The following MACROD2 variants were observed in gnomAD, a reference collection of about 807,000 sequenced individuals.
The protein encoded by MACROD2 is ADP-ribose glycohydrolase MACROD2.
In MACROD2, 36 loss-of-function variants were observed where a neutral mutation model predicts 70.4. The ratio of observed to expected loss-of-function variants is 0.51; its 90% CI spans 0.39 to 0.68. The LOEUF (loss-of-function observed/expected upper bound fraction) is 0.68. Ranked by LOEUF, MACROD2 falls within the 30% of genes least tolerant of loss-of-function variation. The probability of loss-of-function intolerance (pLI) is 0.00; values close to 1 mark genes in which losing one functional copy is unlikely to be tolerated. For missense variants in MACROD2, 496 were observed against 538.4 expected (o/e 0.92, Z 0.78); for synonymous variants, 172 against 178.8 (o/e 0.96, Z 0.30).
chr20:14,187,109 G>A (rs1436821530), intron 3 of MACROD2, among the ~76,000 whole-genome samples: 1 of 128,334 alleles, frequency 7.8e-6, no homozygotes, highest in Admixed American at 8.4e-5. Context: ...TAAACTAAAA[G>A]TTGAGAAAGA....
chr20:15,345,344 T>G (rs975513583), intron 6 of MACROD2, among the ~76,000 whole-genome samples: 1 of 152,222 alleles, frequency 6.6e-6, no homozygotes, highest in African/African-American at 2.4e-5. Context: ...TATTTATCAG[T>G]GAACAAAATA....
intron 4 of MACROD2, among the ~76,000 whole-genome samples, chr20:14,505,749 A>G (rs1400919389): frequency 6.6e-6 from 1 of 152,206 alleles, no homozygotes; most frequent in Non-Finnish European, 1.5e-5. Context: ...TCTGGGGACC[A>G]CACTTTAAGA....
chr20:14,103,669 ATT>A (rs968140471), intron 3 of MACROD2, among the ~76,000 whole-genome samples: 3 of 152,112 alleles, frequency 2.0e-5, no homozygotes, highest in Non-Finnish European at 4.4e-5. Flanking sequence ...GCATAGATGT[ATT>A]TTGTTTTTTT....
At chr20:14,864,282 G>A (rs939217888) in intron 5 of MACROD2, among the ~76,000 whole-genome samples, 1 of 152,012 alleles carries the variant, frequency 6.6e-6, no homozygotes, top group Non-Finnish European at 1.5e-5. Flanking sequence ...TCCAGAGAAA[G>A]CAACCTGACT....
At chr20:14,506,650 T>C (rs1344888067) in intron 4 of MACROD2, among the ~76,000 whole-genome samples, 1 of 152,098 alleles carries the variant, frequency 6.6e-6, no homozygotes, top group Admixed American at 6.5e-5. Context: ...AACTTTCAGA[T>C]AAAAAATAAT....
chr20:14,512,327 T>TAA (rs3044685), intron 4 of MACROD2, among the ~76,000 whole-genome samples: 124,566 of 151,804 alleles, frequency 0.82, 51,516 homozygotes, highest in East Asian at 1. Flanking sequence ...ATTGAATTCG[T>TAA]AGTATGGGAG....
intron 2 of MACROD2, among the ~76,000 whole-genome samples, chr20:14,063,168 T>C (rs759166044): frequency 6.6e-6 from 1 of 152,214 alleles, no homozygotes; most frequent in East Asian, 1.9e-4. Flanking sequence ...AAAAAAGGAA[T>C]TGATTTAATT....
At chr20:15,998,628 G>A (rs2066666251) in intron 15 of MACROD2, among the ~76,000 whole-genome samples, 1 of 144,010 alleles carries the variant, frequency 6.9e-6, no homozygotes, top group African/African-American at 2.6e-5. Context: ...GCAGTGGTGT[G>A]ATCTTGGCTC....
chr20:15,091,737 A>G (rs1157911920), intron 5 of MACROD2, among the ~76,000 whole-genome samples: 1 of 152,184 alleles, frequency 6.6e-6, no homozygotes, highest in African/African-American at 2.4e-5. Context: ...TCTGAAACAC[A>G]ATATGCATTT....
chr20:14,344,009 T>C (rs2083040592), intron 3 of MACROD2, among the ~76,000 whole-genome samples: 1 of 152,204 alleles, frequency 6.6e-6, no homozygotes, highest in South Asian at 2.1e-4. Flanking sequence ...TCTGAAATTG[T>C]CAGATTTTTT....
intron 3 of MACROD2, among the ~76,000 whole-genome samples, chr20:14,228,908 G>A (rs1379890818): frequency 2.0e-5 from 3 of 150,476 alleles, no homozygotes; most frequent in Non-Finnish European, 4.4e-5. Flanking sequence ...TCAGGAGGTT[G>A]AGGCACAAGA....
chr20:14,924,570 GAGCAT>G (rs1165281204), intron 5 of MACROD2, among the ~76,000 whole-genome samples: 1 of 152,152 alleles, frequency 6.6e-6, no homozygotes, highest in African/African-American at 2.4e-5. Context: ...GGGTAGATGA[GAGCAT>G]TTATTTATCT....
intron 6 of MACROD2, among the ~76,000 whole-genome samples, chr20:15,230,599 T>C (rs2076951826): frequency 6.6e-6 from 1 of 152,178 alleles, no homozygotes; most frequent in African/African-American, 2.4e-5. Context: ...ATTTTACTCT[T>C]ATTAAACTAA....
intron 5 of MACROD2, among the ~76,000 whole-genome samples, chr20:14,925,264 A>G (rs1253899107): frequency 6.6e-6 from 1 of 152,132 alleles, no homozygotes; most frequent in Non-Finnish European, 1.5e-5. Flanking sequence ...CTTCCATAAT[A>G]TAAATAATAT....
rs181393310 is a variant in MACROD2 at position 15,654,801 on chromosome 20, T to C, written c.645+154954T>C. ...TTGGGAGGGTGCCAATTAGTGCCCC[T>C]TGTATCCTAAATAACCTGCCACAGA... On this transcript the variant is annotated intron_variant, in intron 8 of 17. Coordinates refer to ENST00000684519, the MANE Select transcript of MACROD2 (RefSeq NM_001351661.2). Among the ~76,000 whole-genome samples, 11 of 152,336 alleles carry C rather than the reference T, an allele frequency of 7.2e-5. No homozygotes were observed. In the East Asian group the frequency reaches 1.9e-3, roughly 27 times the overall value.
chr20:14,999,335 A>G (rs1568919149), intron 5 of MACROD2, among the ~76,000 whole-genome samples: 1 of 152,202 alleles, frequency 6.6e-6, no homozygotes, highest in Non-Finnish European at 1.5e-5. Context: ...AATAACAAGA[A>G]CAACTTTTCA....
At chr20:14,972,128 A>G (rs754243853) in intron 5 of MACROD2, among the ~76,000 whole-genome samples, 1 of 152,256 alleles carries the variant, frequency 6.6e-6, no homozygotes, top group Non-Finnish European at 1.5e-5. Flanking sequence ...TGCTGTAAAC[A>G]TGCCAAGGGG....
At chr20:14,927,497 C>T (rs1425287315) in intron 5 of MACROD2, among the ~76,000 whole-genome samples, 2 of 152,160 alleles carry the variant, frequency 1.3e-5, no homozygotes, top group Admixed American at 6.5e-5. Flanking sequence ...GATACTCTGC[C>T]GCCATGCTTT....
At chr20:15,749,221 T>A (rs1034600658) in intron 8 of MACROD2, among the ~76,000 whole-genome samples, 2 of 152,140 alleles carry the variant, frequency 1.3e-5, no homozygotes, top group Non-Finnish European at 2.9e-5. Flanking sequence ...GAGTAAGTAC[T>A]TATTAATTTT....
Sources: gnomAD v4.1 joint callset for allele counts (sites outside exome capture counted in the v4.1 genomes callset) on GRCh38, gnomAD v4.1.1 for gene constraint, MANE v1.5 for transcripts, NCBI Gene and HGNC (gene_info 2026-07-23, HGNC 2026-07-21) for gene names.